The following PPARD variants were observed in gnomAD, a reference collection of about 807,000 sequenced individuals.
PPARD encodes peroxisome proliferator activated receptor delta, also known as peroxisome proliferator-activated receptor delta.
PPARD carries 6 observed loss-of-function variants against 39.5 expected under a neutral mutation model. That is an observed-to-expected ratio of 0.15 (90% CI 0.08 to 0.30). The LOEUF is 0.30. PPARD is among the 10% of genes least tolerant of loss of function. The probability of loss-of-function intolerance (pLI) is 1.00; values close to 1 mark genes in which losing one functional copy is unlikely to be tolerated. For missense variants in PPARD, 397 were observed against 596.8 expected (o/e 0.67, Z 3.49); for synonymous variants, 210 against 231.3 (o/e 0.91, Z 0.83).
In PPARD at chr6:35,426,373, C is replaced by T; in HGVS notation, c.*294C>T. On this transcript the variant is annotated 3_prime_UTR_variant, in exon 8 of 8. Coordinates refer to ENST00000360694, the MANE Select transcript of PPARD (RefSeq NM_006238.5). ...TGTAGGTTTCTCTCTTCCCTTCTCCCTTGCCCTCCCTTTCTCTCTCCACCC... is the reference window on the plus strand; with the variant it reads ...TGTAGGTTTCTCTCTTCCCTTCTCCTTTGCCCTCCCTTTCTCTCTCCACCC... The T allele has an allele frequency of 2.1e-6, 1 of 471,048 alleles. No individual in the cohort carries two copies. The highest frequency in any genetic ancestry group is 3.8e-6 in the Non-Finnish European group (1 of 260,588). 29.2% of individuals were successfully genotyped at this position (471,048 alleles called of 1,614,324 possible). A position where few individuals can be genotyped will look rare whatever the true frequency, so the allele number is the denominator to read the frequency against.
intron 2 of PPARD, among the ~76,000 whole-genome samples, chr6:35,370,832 T>C (rs1762445579): frequency 6.6e-6 from 1 of 152,124 alleles, no homozygotes; most frequent in Admixed American, 6.5e-5. Flanking sequence ...AGCGGCTAGA[T>C]GGCAAGGCAG....
chr6:35,344,365 A>T (rs1582254917), intron 1 of PPARD, among the ~76,000 whole-genome samples: 1 of 151,868 alleles, frequency 6.6e-6, no homozygotes, highest in Non-Finnish European at 1.5e-5. Flanking sequence ...CAGTAGTTAG[A>T]CCTTGTCAGG....
intron 2 of PPARD, among the ~76,000 whole-genome samples, chr6:35,370,556 C>T (rs1284738207): frequency 1.3e-5 from 2 of 152,236 alleles, no homozygotes; most frequent in Non-Finnish European, 2.9e-5. Context: ...TGGGCACCCA[C>T]ATGGCTGGTA....
rs569276253 is a variant in PPARD, at chr6:35,424,269, A to G, written c.628-60A>G. 3 of 1,597,216 alleles carry G rather than the reference A, an allele frequency of 1.9e-6. No individual in the cohort carries two copies. Among genetic ancestry groups the G allele is most frequent in the Admixed American group, 1.7e-5 (1 of 59,026 alleles). On this transcript the variant is annotated intron_variant, in intron 6 of 7. Coordinates refer to ENST00000360694, the MANE Select transcript of PPARD (RefSeq NM_006238.5). The surrounding 1 kb of genome is among the most constrained non-coding windows in gnomAD (Gnocchi z 7.1). ...CAACTTCATGGTGCAGGCAAGGGAC[A>G]TGGGGAGCACAGGGTGGGGGTCTCC... is the stretch of plus-strand genomic sequence containing the variant.
At position 35,406,107 on chromosome 6, in the gene PPARD, G is replaced by A. The variant is rs377027168; in HGVS notation, c.-101-4880G>A. Among the ~76,000 whole-genome samples the A allele has an allele frequency of 8.5e-5, 13 of 152,142 alleles. No individual in the cohort carries two copies. In the East Asian group the frequency reaches 1.9e-3, roughly 23 times the overall value. On this transcript the variant is annotated intron_variant, in intron 2 of 7. Transcript: ENST00000360694. ...CACCTATCTGATTTTTGTGTTTTTA[G>A]TAGAGACAGGGTTTTGCCATGTTGC...
At chr6:35,399,129 G>A (rs1033187147) in intron 2 of PPARD, among the ~76,000 whole-genome samples, 4 of 151,934 alleles carry the variant, frequency 2.6e-5, no homozygotes, top group Non-Finnish European at 4.4e-5. Context: ...AAGGCCGGGC[G>A]TAGTGGCTCA....
At chr6:35,404,953 TTGTGTGTGTGTGTG>T (rs59359748) in intron 2 of PPARD, among the ~76,000 whole-genome samples, 43 of 142,218 alleles carry the variant, frequency 3.0e-4, no homozygotes, top group Middle Eastern at 3.5e-3. Flanking sequence ...ACTGCAGGCT[TTGTGTGTGTGTGTG>T]TGTGTGTGTG....
At chr6:35,421,742 T>C in intron 4 of PPARD, 78 bp from the exon 5 acceptor site, 1 of 1,475,328 alleles carries the variant, frequency 6.8e-7, no homozygotes, top group South Asian at 1.3e-5. Flanking sequence ...GTTTACACCT[T>C]ATACATAATC....
intron 4 of PPARD, among the ~76,000 whole-genome samples, chr6:35,421,308 TG>T (rs1353448113): frequency 1.7e-4 from 7 of 40,572 alleles, no homozygotes; most frequent in South Asian, 8.7e-4. Context: ...AAAATAGTTG[TG>T]TTTTTTTTTT....
chr6:35,351,018 T>G (rs1029443113), intron 2 of PPARD, among the ~76,000 whole-genome samples: 1 of 152,132 alleles, frequency 6.6e-6, no homozygotes, highest in African/African-American at 2.4e-5. Flanking sequence ...ATTCTTTTTT[T>G]GTTTGTTTGT....
At chr6:35,413,628 CT>C (rs1214220272) in intron 3 of PPARD, among the ~76,000 whole-genome samples, 1 of 151,958 alleles carries the variant, frequency 6.6e-6, no homozygotes, top group Non-Finnish European at 1.5e-5. Flanking sequence ...GGACTTGGTC[CT>C]CCCACCACCA....
chr6:35,425,539 A>C lies in PPARD; in HGVS notation c.1079-293A>C. ...ATCAGAGAGGCTGAATGACCTGCCT[A>C]TAGCCTCACAGGCAGACACAGGATT... is the stretch of plus-strand genomic sequence containing the variant. On this transcript the variant is annotated intron_variant, in intron 7 of 7. Coordinates refer to ENST00000360694, the MANE Select transcript of PPARD (RefSeq NM_006238.5). The surrounding 1 kb of genome is among the most constrained non-coding windows in gnomAD (Gnocchi z 4.5). 1 of 811,698 alleles carries C rather than the reference A, an allele frequency of 1.2e-6. No individual in the cohort carries two copies. The highest frequency in any genetic ancestry group is 1.8e-6 in the Non-Finnish European group (1 of 563,480). 50.3% of individuals were successfully genotyped at this position (811,698 alleles called of 1,614,324 possible). A position where few individuals can be genotyped will look rare whatever the true frequency, so the allele number is the denominator to read the frequency against.
intron 2 of PPARD, among the ~76,000 whole-genome samples, chr6:35,393,284 T>C (rs140821037): frequency 2.4e-4 from 37 of 152,236 alleles, no homozygotes; most frequent in African/African-American, 8.2e-4. Context: ...GAAACAGGGT[T>C]TATAGACAGA....
intron 2 of PPARD, among the ~76,000 whole-genome samples, chr6:35,400,491 G>T (rs1439380106): frequency 6.6e-6 from 1 of 152,134 alleles, no homozygotes; most frequent in Non-Finnish European, 1.5e-5. Flanking sequence ...GGCTGTCCTA[G>T]TCTTAATTGT....
intron 2 of PPARD, among the ~76,000 whole-genome samples, chr6:35,364,208 T>C (rs1762066344): frequency 6.6e-6 from 1 of 152,150 alleles, no homozygotes; most frequent in African/African-American, 2.4e-5. Flanking sequence ...GGTTCATCCA[T>C]GTTGTAGCAT....
At chr6:35,360,192 A>G (rs1761853948) in intron 2 of PPARD, among the ~76,000 whole-genome samples, 1 of 152,060 alleles carries the variant, frequency 6.6e-6, no homozygotes, top group African/African-American at 2.4e-5. Flanking sequence ...CCCTAGAACC[A>G]CAAGAGACTG....
At chr6:35,421,325 G>T (rs1212762871) in intron 4 of PPARD, among the ~76,000 whole-genome samples, 19 of 144,624 alleles carry the variant, frequency 1.3e-4, no homozygotes, top group African/African-American at 4.0e-4. Flanking sequence ...TTTTTGTTTT[G>T]TTTTGTTTTA....
chr6:35,408,804 A>AAGTTGCAGAGATTGTACAGAGTC (rs1401017350), intron 2 of PPARD, among the ~76,000 whole-genome samples: 3 of 152,258 alleles, frequency 2.0e-5, no homozygotes, highest in Non-Finnish European at 4.4e-5. Context: ...GTTACAGAGT[A>AAGTTGCAGAGATTGTACAGAGTC]AGTTGCAGAG....
At chr6:35,344,798 T>A (rs1792071051) in intron 1 of PPARD, among the ~76,000 whole-genome samples, 1 of 152,206 alleles carries the variant, frequency 6.6e-6, no homozygotes, top group Non-Finnish European at 1.5e-5. Context: ...TCTTGTACAC[T>A]GTTTTCTGTG....
Sources: allele counts gnomAD v4.1 joint callset (sites outside exome capture counted in the v4.1 genomes callset), GRCh38; gene constraint gnomAD v4.1.1; non-coding constraint Gnocchi (gnomAD v3.1); transcripts MANE v1.5; gene names NCBI Gene and HGNC (gene_info 2026-07-23, HGNC 2026-07-21).